The following CNTN6 variants were observed in gnomAD, a reference collection of about 807,000 sequenced individuals.
CNTN6 encodes contactin 6, also known as contactin-6.
CNTN6 carries 137 observed loss-of-function variants against 122.8 expected under a neutral mutation model. The ratio of observed to expected loss-of-function variants is 1.12; its 90% CI spans 0.97 to 1.29. The LOEUF (loss-of-function observed/expected upper bound fraction) is 1.29. CNTN6 is among the 50% of genes most tolerant of loss of function. The pLI is 0.00. For synonymous variants in CNTN6, 570 were observed against 426.0 expected, an observed-to-expected ratio of 1.34 and a Z score of -4.16; for missense variants, 1,634 against 1,223.4, an observed-to-expected ratio of 1.34 and a Z score of -5.01.
At chr3:1,225,706 T>A (rs1347449921) in intron 3 of CNTN6, among the ~76,000 whole-genome samples, 8 of 151,646 alleles carry the variant, frequency 5.3e-5, no homozygotes, top group African/African-American at 1.9e-4. Flanking sequence ...ATTGTTTTTT[T>A]TTTTTTTCAC....
chr3:1,296,213 C>T (rs1696205986), intron 6 of CNTN6, among the ~76,000 whole-genome samples: 1 of 151,966 alleles, frequency 6.6e-6, no homozygotes, highest in African/African-American at 2.4e-5. Context: ...CATATTTGCC[C>T]TTTTTTTGTT....
rs1174463097 is a variant in CNTN6 at position 1,325,730 on chromosome 3, C to T, written c.947-85C>T. Reference sequence around the variant, plus strand: ...ACTGGACCCAGTTAGCCTTGTCCTTCTGATCTCTACAGCCCTTGTAATGTA... The same window carrying T: ...ACTGGACCCAGTTAGCCTTGTCCTTTTGATCTCTACAGCCCTTGTAATGTA... On this transcript the variant is annotated intron_variant, in intron 8 of 22. Coordinates refer to ENST00000446702, the MANE Select transcript of CNTN6 (RefSeq NM_001289080.2). 24 of 1,426,394 alleles carry T rather than the reference C, an allele frequency of 1.7e-5. No individual in the cohort carries two copies. In the Admixed American group the frequency reaches 5.4e-4, roughly 32 times the overall value. 88.4% of individuals were successfully genotyped at this position (1,426,394 alleles called of 1,614,324 possible).
At chr3:1,102,213 G>C (rs1287437161) in intron 1 of CNTN6, among the ~76,000 whole-genome samples, 1 of 152,104 alleles carries the variant, frequency 6.6e-6, no homozygotes, top group Non-Finnish European at 1.5e-5. Context: ...ATATTTGTAT[G>C]TCTAATGTGG....
rs116147262 is a variant in CNTN6 at position 1,343,503 on chromosome 3, C to T, written c.1365-8821C>T. Among the ~76,000 whole-genome samples the T allele has an allele frequency of 7.5e-3, 1,148 of 152,168 alleles. 22 individuals are homozygous for T. Among genetic ancestry groups the T allele is most frequent in the African/African-American group, 0.027 (1,105 of 41,522 alleles). Reference sequence around the variant, plus strand: ...AAATAATGTGGTTGTTTGACTAAATCGCTTTCTGTTAGGGGACTGAATTGA... The same window carrying T: ...AAATAATGTGGTTGTTTGACTAAATTGCTTTCTGTTAGGGGACTGAATTGA... On this transcript the variant is annotated intron_variant, in intron 11 of 22. Transcript: ENST00000446702.
chr3:1,134,935 G>A (rs1403354565), intron 1 of CNTN6, among the ~76,000 whole-genome samples: 1 of 152,074 alleles, frequency 6.6e-6, no homozygotes, highest in Non-Finnish European at 1.5e-5. Flanking sequence ...AATGTATCAT[G>A]AGGTCAGTGG....
chr3:1,347,410 G>C (rs968468835), intron 11 of CNTN6, among the ~76,000 whole-genome samples: 1 of 152,090 alleles, frequency 6.6e-6, no homozygotes, highest in Admixed American at 6.6e-5. Context: ...GGATATTAGA[G>C]AATAAAGACA....
rs148285583 is a variant in CNTN6 at position 1,136,104 on chromosome 3, A to G, written c.-82-11823A>G. ...ACTTTTATAAGACAGAGAAAATTTA[A>G]TAAGTTAATCCCTTATGGATATCTT... On this transcript the variant is annotated intron_variant, in intron 1 of 22. Coordinates refer to ENST00000446702, the MANE Select transcript of CNTN6 (RefSeq NM_001289080.2). 1.8e-4 allele frequency among the ~76,000 whole-genome samples: 27 copies of G among 152,328 alleles called. No individual in the cohort carries two copies. In the East Asian group the frequency reaches 4.8e-3, roughly 27 times the overall value.
At chr3:1,181,011 A>AT (rs1171855420) in intron 2 of CNTN6, among the ~76,000 whole-genome samples, 1 of 150,208 alleles carries the variant, frequency 6.7e-6, no homozygotes, top group Non-Finnish European at 1.5e-5. Context: ...TTCTTACTTT[A>AT]TTTTATTATG....
In CNTN6 at chr3:1,381,236, TATAA is replaced by T. The variant is rs142506798; in HGVS notation, c.2167-1703_2167-1700del. Among the ~76,000 whole-genome samples the T allele has an allele frequency of 4.4e-3, 670 of 152,342 alleles. 5 individuals are homozygous for T. Among genetic ancestry groups the T allele is most frequent in the Non-Finnish European group, 6.9e-3 (466 of 68,026 alleles). On this transcript the variant is annotated intron_variant, in intron 17 of 22. Coordinates refer to ENST00000446702, the MANE Select transcript of CNTN6 (RefSeq NM_001289080.2). The stretch of plus-strand genomic sequence containing the variant: ...TGCTCTAGCAAGTAGCATCGATTCT[TATAA>T]ATCTCTTCCATGCCATTCAAAATTA...
At chr3:1,252,350 T>C (rs993001716) in intron 4 of CNTN6, among the ~76,000 whole-genome samples, 1 of 152,168 alleles carries the variant, frequency 6.6e-6, no homozygotes, top group African/African-American at 2.4e-5. Context: ...TAGTTACCAG[T>C]TTTTACTACA....
chr3:1,313,636 A>T (rs1274394656), intron 7 of CNTN6, among the ~76,000 whole-genome samples: 1 of 152,044 alleles, frequency 6.6e-6, no homozygotes, highest in Non-Finnish European at 1.5e-5. Flanking sequence ...TGCTATTATA[A>T]ACAAACCATT....
At chr3:1,163,152 C>A (rs181098457) in intron 2 of CNTN6, among the ~76,000 whole-genome samples, 1 of 152,280 alleles carries the variant, frequency 6.6e-6, no homozygotes, top group African/African-American at 2.4e-5. Flanking sequence ...TATATGAGGA[C>A]AACGCAGCTT....
intron 11 of CNTN6, among the ~76,000 whole-genome samples, chr3:1,333,876 T>C (rs1243144847): frequency 6.6e-6 from 1 of 152,154 alleles, no homozygotes; most frequent in East Asian, 1.9e-4. Flanking sequence ...TCACGTCTTT[T>C]CCTCTCTATG....
At chr3:1,148,181 A>C (rs2092763459) in intron 2 of CNTN6, 118 bp downstream of exon 2, 1 of 752,976 alleles carries the variant, frequency 1.3e-6, no homozygotes, top group South Asian at 1.8e-5. Context: ...TGACTAAGTG[A>C]TAATGTTTTG....
At chr3:1,261,988 G>T (rs2094853483) in intron 4 of CNTN6, among the ~76,000 whole-genome samples, 1 of 152,040 alleles carries the variant, frequency 6.6e-6, no homozygotes, top group Non-Finnish European at 1.5e-5. Context: ...TATGCGACTG[G>T]ACTGCACTTA....
At chr3:1,122,362 G>A (rs2091982631) in intron 1 of CNTN6, among the ~76,000 whole-genome samples, 1 of 142,438 alleles carries the variant, frequency 7.0e-6, no homozygotes, top group African/African-American at 3.0e-5. Flanking sequence ...GAGGGAAGGA[G>A]GAAGGAAGGA....
chr3:1,401,051 A>G (rs926139212), intron 20 of CNTN6, among the ~76,000 whole-genome samples: 1 of 152,134 alleles, frequency 6.6e-6, no homozygotes, highest in Non-Finnish European at 1.5e-5. Flanking sequence ...ATGTGTTGAT[A>G]TATATAAAAT....
chr3:1,236,387 C>G (rs895714098), intron 4 of CNTN6, among the ~76,000 whole-genome samples: 1 of 152,120 alleles, frequency 6.6e-6, no homozygotes, highest in African/African-American at 2.4e-5. Flanking sequence ...AGCTGCAAGA[C>G]CTAAAGATGG....
At chr3:1,367,306 T>A (rs964412169) in intron 12 of CNTN6, among the ~76,000 whole-genome samples, 1 of 151,046 alleles carries the variant, frequency 6.6e-6, no homozygotes. Flanking sequence ...TCATTCCCCA[T>A]CCCTCCCTCC....
Sources: allele counts gnomAD v4.1 joint callset (sites outside exome capture counted in the v4.1 genomes callset), GRCh38; gene constraint gnomAD v4.1.1; transcripts MANE v1.5; gene names NCBI Gene and HGNC (gene_info 2026-07-23, HGNC 2026-07-21).